Variants in SGCB observed in about 807,000 individuals in gnomAD.
The protein encoded by SGCB is beta-sarcoglycan.
SGCB carries 25 observed loss-of-function variants against 27.3 expected under a neutral mutation model. That is an observed-to-expected ratio of 0.92 (90% confidence interval 0.67 to 1.28). The LOEUF (loss-of-function observed/expected upper bound fraction) is 1.28. SGCB is among the 50% of genes most tolerant of loss of function. The pLI is 0.00. For missense variants in SGCB, 436 were observed against 402.1 expected, an observed-to-expected ratio of 1.08 and a Z score of -0.72; for synonymous variants, 147 against 133.5, an observed-to-expected ratio of 1.10 and a Z score of -0.70.
intron 3 of SGCB, 118 bp from the exon 4 acceptor site, chr4:52,029,039 A>G: frequency 1.4e-6 from 1 of 716,128 alleles, no homozygotes; most frequent in Non-Finnish European, 2.4e-6. Flanking sequence ...CCAATAACAG[A>G]CTAACTTCAA....
intron 1 of SGCB, among the ~76,000 whole-genome samples, chr4:52,034,618 C>T (rs1046954752): frequency 6.6e-6 from 1 of 151,902 alleles, no homozygotes; most frequent in Non-Finnish European, 1.5e-5. Flanking sequence ...TGAGACCAAT[C>T]CCCCATAGAT....
chr4:52,038,100 G>GC, intron 1 of SGCB, 127 bp downstream of exon 1: 35 of 514,444 alleles, frequency 6.8e-5, no homozygotes, highest in South Asian at 8.4e-5. Flanking sequence ...GCCCCGATCG[G>GC]CCCCGCCGAA....
rs765964499 is a variant in SGCB at position 52,028,921 on chromosome 4, T to C, written c.430A>G (p.Ile144Val). ...NLVITGNNQP[I>V]VFQQGTTKLS... is the part of the protein sequence containing the mutation. Reference sequence around the variant, plus strand: ...TTTGTTGTCCCTTGCTGAAAAACAATCTTCAAAAAAAACAGTTTATTGTGA... The same window carrying C: ...TTTGTTGTCCCTTGCTGAAAAACAACCTTCAAAAAAAACAGTTTATTGTGA... Residue 144 changes from isoleucine to valine, a missense_variant and splice_region_variant, in exon 4 of 6, where the codon ATT (isoleucine) becomes GTT (valine). Transcript: ENST00000381431. 3 of 1,611,232 alleles carry C rather than the reference T, an allele frequency of 1.9e-6. No homozygotes were observed. In the South Asian group the frequency reaches 3.3e-5, roughly 18 times the overall value.
At chr4:52,029,622 T>G in intron 3 of SGCB, 56 bp downstream of exon 3, 1 of 1,196,600 alleles carries the variant, frequency 8.4e-7, no homozygotes, top group South Asian at 1.2e-5. Context: ...TGCAAAGTAT[T>G]TTTCTCTAAT....
chr4:52,029,576 G>C, intron 3 of SGCB, 102 bp downstream of exon 3: 1 of 715,692 alleles, frequency 1.4e-6, no homozygotes, highest in Non-Finnish European at 2.5e-6. Context: ...ATTTTTCTAA[G>C]GGAAAATATC....
At chr4:52,037,347 C>A (rs1218811437) in intron 1 of SGCB, among the ~76,000 whole-genome samples, 2 of 152,096 alleles carry the variant, frequency 1.3e-5, no homozygotes, top group Non-Finnish European at 2.9e-5. Context: ...TCTAATAGGT[C>A]TCTAAAAAGT....
intron 2 of SGCB, among the ~76,000 whole-genome samples, chr4:52,031,129 CT>C (rs1560568085): frequency 6.6e-6 from 1 of 151,880 alleles, no homozygotes; most frequent in African/African-American, 2.4e-5. Context: ...CTTGTTGTGT[CT>C]TTTTATGCAT....
chr4:52,038,218 C>G lies in SGCB; in HGVS notation c.33+9G>C, dbSNP rs886043257. The G allele has an allele frequency of 8.0e-7, 1 of 1,250,800 alleles. No homozygotes were observed. The highest frequency in any genetic ancestry group is 1.0e-6 in the Non-Finnish European group (1 of 994,352). The allele number at this position is 1,250,800 out of a possible 1,614,324, so 77.5% of individuals were successfully genotyped here. On this transcript the variant is annotated intron_variant, in intron 1 of 5. Transcript: ENST00000381431. ...CCTCCAGCCCGCGGCCGCGGCGGTA[C>G]TCACAGACCTGTTCTGCAGCCGCCG...
rs1736979199 is a variant in SGCB at position 52,022,476 on chromosome 4, A to G, written c.*1481T>C. On this transcript the variant is annotated 3_prime_UTR_variant, in exon 6 of 6. Coordinates refer to ENST00000381431, the MANE Select transcript of SGCB (RefSeq NM_000232.5). Reference sequence around the variant, plus strand: ...TGTGTGAGTCTTAATAATACCAGAGAGTTCTTTTCCAATCAAATATATTAA... The same window carrying G: ...TGTGTGAGTCTTAATAATACCAGAGGGTTCTTTTCCAATCAAATATATTAA... 6.6e-6 allele frequency: 1 copy of G among 152,306 alleles called. No individual in the cohort carries two copies. The highest frequency in any genetic ancestry group is 2.1e-4 in the South Asian group (1 of 4,820). The allele number at this position is 152,306 out of a possible 1,614,324, so 9.4% of individuals were successfully genotyped here. A position where few individuals can be genotyped will look rare whatever the true frequency, so the allele number is the denominator to read the frequency against.
chr4:52,032,209 A>T (rs1737267076), intron 2 of SGCB, among the ~76,000 whole-genome samples: 1 of 152,094 alleles, frequency 6.6e-6, no homozygotes, highest in Admixed American at 6.6e-5. Context: ...TTTTCAAATG[A>T]CTTCTCTGTT....
rs1341895155 is a variant in SGCB at position 52,023,510 on chromosome 4, G to T, written c.*447C>A. The stretch of plus-strand genomic sequence containing the variant: ...AATATGGCTCAGGCTTAATGCACTA[G>T]AAATCTGCATCTTTCCTTTTAGAAG... On this transcript the variant is annotated 3_prime_UTR_variant, in exon 6 of 6. Transcript: ENST00000381431. 4 of 166,806 alleles carry T rather than the reference G, an allele frequency of 2.4e-5. No individual in the cohort carries two copies. The highest frequency in any genetic ancestry group is 5.3e-5 in the Non-Finnish European group (4 of 76,088). The allele number at this position is 166,806 out of a possible 1,614,324, so 10.3% of individuals were successfully genotyped here.
At chr4:52,038,009 G>C (rs1737441847) in intron 1 of SGCB, among the ~76,000 whole-genome samples, 1 of 152,032 alleles carries the variant, frequency 6.6e-6, no homozygotes, top group Non-Finnish European at 1.5e-5. Flanking sequence ...AGGCCGGGCC[G>C]AGCCCGAGGC....
At position 52,038,282 on chromosome 4, in the gene SGCB, A is replaced by G; in HGVS notation, c.-23T>C. 1 of 1,290,434 alleles carries G rather than the reference A, an allele frequency of 7.7e-7. No homozygotes were observed. The highest frequency in any genetic ancestry group is 3.1e-5 in the Admixed American group (1 of 32,012). 79.9% of individuals were successfully genotyped at this position (1,290,434 alleles called of 1,614,324 possible). A position where few individuals can be genotyped will look rare whatever the true frequency, so the allele number is the denominator to read the frequency against. ...CATCTTCCCGCGCCCGCCGCCGCCGAGCTCCCCGCCCGACTGTGCCCGCCC... is the reference window on the plus strand; with the variant it reads ...CATCTTCCCGCGCCCGCCGCCGCCGGGCTCCCCGCCCGACTGTGCCCGCCC... On this transcript the variant is annotated 5_prime_UTR_variant, in exon 1 of 6. Transcript: ENST00000381431.
intron 5 of SGCB, among the ~76,000 whole-genome samples, chr4:52,026,353 G>A (rs1016505339): frequency 6.8e-6 from 1 of 147,132 alleles, no homozygotes; most frequent in Admixed American, 6.9e-5. Flanking sequence ...CTGCCTCCTG[G>A]TTTCAAGCGA....
At chr4:52,038,107 C>T (rs1429060902) in intron 1 of SGCB, 120 bp downstream of exon 1, 2 of 906,594 alleles carry the variant, frequency 2.2e-6, no homozygotes, top group South Asian at 1.0e-4. Context: ...TCGGCCCCGC[C>T]GAACCCAGAC....
At position 52,034,140 on chromosome 4, in the gene SGCB, G is replaced by T. The variant is rs1737321698; in HGVS notation, c.34-500C>A. 2.0e-5 allele frequency among the ~76,000 whole-genome samples: 3 copies of T among 151,222 alleles called. No homozygotes were observed. In the East Asian group the frequency reaches 5.9e-4, roughly 30 times the overall value. ...AGGTCAGGAGTTCAAGACCAGCCTG[G>T]CCAAGATGGTGAAACCCTGTCTCTA... On this transcript the variant is annotated intron_variant, in intron 1 of 5. Coordinates refer to ENST00000381431, the MANE Select transcript of SGCB (RefSeq NM_000232.5).
At chr4:52,031,097 T>G (rs185622918) in intron 2 of SGCB, among the ~76,000 whole-genome samples, 1 of 152,312 alleles carries the variant, frequency 6.6e-6, no homozygotes, top group East Asian at 1.9e-4. Context: ...TTACTGGTTT[T>G]CTTAAATTTC....
intron 1 of SGCB, among the ~76,000 whole-genome samples, chr4:52,034,513 T>G (rs1248628950): frequency 1.3e-5 from 2 of 151,870 alleles, no homozygotes; most frequent in Non-Finnish European, 2.9e-5. Flanking sequence ...GGATTTAAAG[T>G]ATACAGGAGG....
chr4:52,025,622 G>A (rs1469546468), intron 5 of SGCB, among the ~76,000 whole-genome samples: 3 of 152,228 alleles, frequency 2.0e-5, no homozygotes, highest in Non-Finnish European at 4.4e-5. Flanking sequence ...AATTATACGG[G>A]AAGCATTTGG....
Sources: allele counts gnomAD v4.1 joint callset (sites outside exome capture counted in the v4.1 genomes callset), GRCh38; gene constraint gnomAD v4.1.1; transcripts MANE v1.5; gene names NCBI Gene and HGNC (gene_info 2026-07-23, HGNC 2026-07-21).